RSRC2: variants seen among roughly 807,000 people sequenced by gnomAD.
RSRC2 encodes the protein arginine/serine-rich coiled-coil protein 2.
RSRC2 carries 5 observed loss-of-function variants against 61.3 expected under a neutral mutation model. The ratio of observed to expected loss-of-function variants is 0.08; its 90% CI spans 0.04 to 0.17. The LOEUF (loss-of-function observed/expected upper bound fraction) is 0.17, where lower values mean the gene tolerates loss of function less well. Among genes scored for constraint, RSRC2 ranks in the 10% least tolerant of loss-of-function variants. The pLI is 1.00. For missense variants in RSRC2, 381 were observed against 518.8 expected (o/e 0.73, Z 2.58); for synonymous variants, 202 against 166.5 (o/e 1.21, Z -1.64).
At chr12:122,508,125 A>T in intron 8 of RSRC2, 93 bp downstream of exon 8, 3 of 1,172,282 alleles carry the variant, frequency 2.6e-6, no homozygotes, top group Non-Finnish European at 3.8e-6. Context: ...TTACAAAGTT[A>T]AGCCGAAAGT....
In RSRC2 at chr12:122,518,824, TACA is replaced by T. The variant is rs558465620; in HGVS notation, c.398+12_398+14del. ...CTTGTTAGAAGGTACTACATTATAA[TACA>T]ACATGACTTACCTTTCACGAGACCT... On this transcript the variant is annotated intron_variant, in intron 4 of 9. Coordinates refer to ENST00000331738, the MANE Select transcript of RSRC2 (RefSeq NM_023012.6). 84 of 1,600,834 alleles carry T rather than the reference TACA, an allele frequency of 5.2e-5. No individual in the cohort carries two copies. In the African/African-American group the frequency reaches 8.4e-4, roughly 16 times the overall value.
At chr12:122,522,082 C>T (rs1036896972) in intron 2 of RSRC2, 61 bp downstream of exon 2, 18 of 1,485,802 alleles carry the variant, frequency 1.2e-5, no homozygotes, top group Middle Eastern at 4.7e-4. Context: ...TCTTCTTATA[C>T]AACAGGTCTA....
chr12:122,526,814 T>C, intron 1 of RSRC2, 34 bp downstream of exon 1: 3 of 1,613,624 alleles, frequency 1.9e-6, no homozygotes, highest in Non-Finnish European at 1.7e-6. Context: ...AGCAGAAAAA[T>C]ATCCCTGGCT....
chr12:122,511,955 C>A (rs1319540920), intron 6 of RSRC2, among the ~76,000 whole-genome samples: 2 of 152,166 alleles, frequency 1.3e-5, no homozygotes, highest in African/African-American at 4.8e-5. Flanking sequence ...TACAGGTACA[C>A]ACCACCATGC....
chr12:122,511,257 T>A, intron 6 of RSRC2, 69 bp from the exon 7 acceptor site: 1 of 1,192,916 alleles, frequency 8.4e-7, no homozygotes, highest in Non-Finnish European at 1.2e-6. Context: ...TCTCTCTATA[T>A]GTGCATGTAC....
rs1193679923 is a variant in RSRC2, at chr12:122,508,289, C to T, written c.964G>A (p.Ala322Thr). ...IAVPSYYNPA[A>T]VNPMKFAEQE... ...TCAGCAAATTTCATTGGATTAACAG[C>T]GGCTGGGTTATAGTAGCTAGGAACA... The change falls in exon 8 of 10, where the codon GCT becomes ACT. Residue 322 changes from alanine to threonine, a missense_variant. Coordinates refer to ENST00000331738, the MANE Select transcript of RSRC2 (RefSeq NM_023012.6). The T allele has an allele frequency of 6.2e-7, 1 of 1,614,108 alleles. No individual in the cohort carries two copies. Among genetic ancestry groups the T allele is most frequent in the Non-Finnish European group, 8.5e-7 (1 of 1,180,024 alleles).
At chr12:122,522,098 C>T (rs1959285267) in intron 2 of RSRC2, 45 bp downstream of exon 2, 2 of 1,564,398 alleles carry the variant, frequency 1.3e-6, no homozygotes, top group African/African-American at 1.4e-5. Flanking sequence ...GTCTACATAT[C>T]TTATACAAAT....
At chr12:122,517,530 G>A (rs1959031343) in intron 4 of RSRC2, 100 bp from the exon 5 acceptor site, 11 of 1,312,994 alleles carry the variant, frequency 8.4e-6, no homozygotes, top group South Asian at 3.8e-5. Flanking sequence ...ATAAAGACAA[G>A]CAAGTAACTG....
rs1414118633 is a variant in RSRC2, at chr12:122,525,812, T to G, written c.6+1036A>C. On this transcript the variant is annotated intron_variant, in intron 1 of 9. Coordinates refer to ENST00000331738, the MANE Select transcript of RSRC2 (RefSeq NM_023012.6). Reference sequence around the variant, plus strand: ...GGGGTCAACGAAGAGTTTTTTTTTTTTTTTTTTTTTTTTTTTTTTTTTTTT... The same window carrying G: ...GGGGTCAACGAAGAGTTTTTTTTTTGTTTTTTTTTTTTTTTTTTTTTTTTT... Among the ~76,000 whole-genome samples the G allele has an allele frequency of 1.9e-3, 12 of 6,340 alleles. 2 individuals are homozygous for G. Among genetic ancestry groups the G allele is most frequent in the Non-Finnish European group, 2.0e-3 (8 of 3,960 alleles). 4.2% of individuals were successfully genotyped at this position (6,340 alleles called of 152,430 possible). A position where few individuals can be genotyped will look rare whatever the true frequency, so the allele number is the denominator to read the frequency against.
Position 122,517,287 on chromosome 12 carries a change from C to A in RSRC2, c.542G>T (p.Arg181Leu), listed in dbSNP as rs373991613. Residue 181 changes from arginine (R) to leucine (L), a missense_variant, in exon 5 of 10, where the codon CGC (arginine) becomes CTC (leucine). Physicochemically the swap from Arg to Leu is moderately radical, Grantham distance 102. Around this residue, in one of 4 missense-constraint regions of RSRC2, gnomAD observed 266 missense variants for 270.5 expected, o/e 0.98. Coordinates refer to ENST00000331738, the MANE Select transcript of RSRC2 (RefSeq NM_023012.6). Reference sequence around the variant, plus strand: ...CCTATGCCTGTGTCTTGATCTTGAGCGGGAACGAGACCTGATCCGCCGTTT... The same window carrying A: ...CCTATGCCTGTGTCTTGATCTTGAGAGGGAACGAGACCTGATCCGCCGTTT... The part of the protein sequence containing the change: ...ERKRRIRSRS[R>L]SRSRHRHRTR... 1 of 1,613,980 alleles carries A rather than the reference C, an allele frequency of 6.2e-7. No individual in the cohort carries two copies. The highest frequency in any genetic ancestry group is 8.5e-7 in the Non-Finnish European group (1 of 1,180,018).
At chr12:122,509,469 A>G (rs1565888834) in intron 7 of RSRC2, among the ~76,000 whole-genome samples, 1 of 151,858 alleles carries the variant, frequency 6.6e-6, no homozygotes, top group East Asian at 1.9e-4. Context: ...AACAAAAACA[A>G]AAACAAAAAA....
rs58751034 is a variant in RSRC2, at chr12:122,513,196, A to AAAATAAAT, written c.725+1901_725+1908dup. The stretch of plus-strand genomic sequence containing the variant: ...GGCAACAGAGCAAGACTCCGTCTCA[A>AAAATAAAT]AAATAAATAAATAAATAAATAAATA... On this transcript the variant is annotated intron_variant, in intron 6 of 9. Coordinates refer to ENST00000331738, the MANE Select transcript of RSRC2 (RefSeq NM_023012.6). Among the ~76,000 whole-genome samples the AAAATAAAT allele has an allele frequency of 5.1e-3, 664 of 129,926 alleles. 7 individuals carry two copies. The highest frequency in any genetic ancestry group is 0.021 in the East Asian group (97 of 4,570). The allele number at this position is 129,926 out of a possible 152,430, so 85.2% of individuals were successfully genotyped here. A position where few individuals can be genotyped will look rare whatever the true frequency, so the allele number is the denominator to read the frequency against.
At chr12:122,524,515 C>T (rs1189461919) in intron 1 of RSRC2, among the ~76,000 whole-genome samples, 1 of 152,166 alleles carries the variant, frequency 6.6e-6, no homozygotes, top group Non-Finnish European at 1.5e-5. Context: ...AGTTTTCAGG[C>T]AATGGTTTAT....
chr12:122,510,220 T>C (rs566456411), intron 7 of RSRC2, among the ~76,000 whole-genome samples: 58 of 152,298 alleles, frequency 3.8e-4, no homozygotes, highest in South Asian at 1.2e-3. Flanking sequence ...TTGCATAAAC[T>C]ACATTTCCAA....
intron 6 of RSRC2, among the ~76,000 whole-genome samples, chr12:122,511,979 G>A (rs1958550915): frequency 6.6e-6 from 1 of 152,150 alleles, no homozygotes; most frequent in Admixed American, 6.6e-5. Flanking sequence ...GCTAATGTTT[G>A]TATTTTTAGT....
intron 1 of RSRC2, among the ~76,000 whole-genome samples, chr12:122,524,990 C>A (rs1357990440): frequency 2.0e-5 from 3 of 152,118 alleles, no homozygotes; most frequent in African/African-American, 7.2e-5. Flanking sequence ...GAGGTAAGCA[C>A]TGGATTGAAT....
chr12:122,509,580 A>G (rs1958344779), intron 7 of RSRC2, among the ~76,000 whole-genome samples: 1 of 152,186 alleles, frequency 6.6e-6, no homozygotes, highest in Non-Finnish European at 1.5e-5. Flanking sequence ...GTAAAAAAAG[A>G]CACCTCTGAT....
chr12:122,513,228 TAAATAAATAAATAAATA>T (rs1337744623), intron 6 of RSRC2, among the ~76,000 whole-genome samples: 1,073 of 94,564 alleles, frequency 0.011, 7 homozygotes, highest in Non-Finnish European at 0.015. Flanking sequence ...AATAAATAAA[TAAATAAATAAATAAATA>T]AAATAAAATA....
intron 3 of RSRC2, chr12:122,519,705 A>C (rs970804302): frequency 6.6e-6 from 1 of 152,502 alleles, no homozygotes; most frequent in Non-Finnish European, 1.5e-5. Flanking sequence ...ATTTTAAAGA[A>C]ACCAAACTAG....
Sources: allele counts gnomAD v4.1 joint callset (sites outside exome capture counted in the v4.1 genomes callset), GRCh38; gene constraint gnomAD v4.1.1; regional missense constraint gnomAD v4.1.1; transcripts MANE v1.5; gene names NCBI Gene and HGNC (gene_info 2026-07-23, HGNC 2026-07-21).